The following TMTC1 variants were observed in gnomAD, a reference collection of about 807,000 sequenced individuals.
TMTC1 encodes protein O-mannosyl-transferase TMTC1.
Under a neutral mutation model 104.8 loss-of-function variants are expected in TMTC1, and 73 were observed. The ratio of observed to expected loss-of-function variants is 0.70; its 90% CI spans 0.58 to 0.85. The LOEUF (loss-of-function observed/expected upper bound fraction) is 0.85, where lower values mean the gene tolerates loss of function less well. Among genes scored for constraint, TMTC1 ranks in the 40% least tolerant of loss-of-function variants. TMTC1 has a pLI of 0.00. For synonymous variants in TMTC1, 434 were observed against 428.7 expected (o/e 1.01, Z -0.15); for missense variants, 1,035 against 1,096.1 (o/e 0.94, Z 0.79).
At position 29,680,827 on chromosome 12, in the gene TMTC1, A is replaced by G. The variant is rs147369270; in HGVS notation, c.939-47491T>C. On this transcript the variant is annotated intron_variant, in intron 5 of 17. Coordinates refer to ENST00000539277, the MANE Select transcript of TMTC1 (RefSeq NM_001193451.2). ...CAGATGAGAAGTAAACTAAATAAGC[A>G]ATGAAGGTCTAACTGATCCCAGCAC... Among the ~76,000 whole-genome samples the G allele has an allele frequency of 7.0e-4, 107 of 152,194 alleles. 1 individual carries two copies. Among genetic ancestry groups the G allele is most frequent in the African/African-American group, 2.4e-3 (99 of 41,530 alleles).
intron 5 of TMTC1, among the ~76,000 whole-genome samples, chr12:29,730,253 G>T (rs780799873): frequency 6.6e-6 from 1 of 152,160 alleles, no homozygotes; most frequent in Non-Finnish European, 1.5e-5. Context: ...AAACCACTGC[G>T]TGCAGCCTAA....
chr12:29,699,242 A>C (rs976216184), intron 5 of TMTC1, among the ~76,000 whole-genome samples: 1 of 152,348 alleles, frequency 6.6e-6, no homozygotes, highest in South Asian at 2.1e-4. Context: ...TGATGTGTCA[A>C]CTTGGAAATA....
chr12:29,754,374 G>A (rs1405392723), intron 4 of TMTC1, among the ~76,000 whole-genome samples: 2 of 152,156 alleles, frequency 1.3e-5, no homozygotes, highest in Non-Finnish European at 2.9e-5. Flanking sequence ...GTGGGCTGGA[G>A]AGTCCCAAGA....
chr12:29,611,683 T>C (rs892119582), intron 6 of TMTC1, among the ~76,000 whole-genome samples: 3 of 152,218 alleles, frequency 2.0e-5, no homozygotes, highest in Non-Finnish European at 2.9e-5. Context: ...TAGAAAGCTA[T>C]GTATTGAATT....
rs186671814 is a variant in TMTC1, at chr12:29,689,560, G to A, written c.939-56224C>T. On this transcript the variant is annotated intron_variant, in intron 5 of 17. Coordinates refer to ENST00000539277, the MANE Select transcript of TMTC1 (RefSeq NM_001193451.2). ...GAACTCCCGACCTCGTGATCTGTCC[G>A]TCTCAGGCCCTGGGCTCTGAATTTT... is the stretch of plus-strand genomic sequence containing the variant. 7.2e-5 allele frequency among the ~76,000 whole-genome samples: 11 copies of A among 152,282 alleles called. No homozygotes were observed. In the East Asian group the frequency reaches 7.7e-4, roughly 11 times the overall value.
chr12:29,681,910 T>C (rs1005864765), intron 5 of TMTC1, among the ~76,000 whole-genome samples: 1 of 152,202 alleles, frequency 6.6e-6, no homozygotes, highest in Non-Finnish European at 1.5e-5. Context: ...ACAGTAATTG[T>C]TGAAGGTGAA....
Position 29,659,380 on chromosome 12 carries a change from G to C in TMTC1, c.939-26044C>G, listed in dbSNP as rs111494708. ...GATTAATGCCCTTCCTTGGAGGTAAGTTCTTGCTCTATTGGTTCCCACAAC... is the reference window on the plus strand; with the variant it reads ...GATTAATGCCCTTCCTTGGAGGTAACTTCTTGCTCTATTGGTTCCCACAAC... On this transcript the variant is annotated intron_variant, in intron 5 of 17. Coordinates refer to ENST00000539277, the MANE Select transcript of TMTC1 (RefSeq NM_001193451.2). 6.4e-3 allele frequency among the ~76,000 whole-genome samples: 973 copies of C among 152,264 alleles called. 13 individuals are homozygous for C. Among genetic ancestry groups the C allele is most frequent in the African/African-American group, 0.023 (941 of 41,548 alleles).
rs748791879 is a variant in TMTC1, at chr12:29,768,047, G to A, written c.331C>T (p.Pro111Ser). ...ATATTTACTGCATGAAAGTAGAATGGGTTCATACCAGTCAAAAATATGTTT... is the reference window on the plus strand; with the variant it reads ...ATATTTACTGCATGAAAGTAGAATGAGTTCATACCAGTCAAAAATATGTTT... ...KLNIFLTGMN[P>S]FYFHAVNIIL... Residue 111 changes from proline (P) to serine (S), a missense_variant, in exon 2 of 18, where the codon CCA becomes TCA. Physicochemically the swap from Pro to Ser is moderately conservative, Grantham distance 74 (BLOSUM62 -1). Coordinates refer to ENST00000539277, the MANE Select transcript of TMTC1 (RefSeq NM_001193451.2). 6.2e-7 allele frequency: 1 copy of A among 1,608,866 alleles called. No individual in the cohort carries two copies. The highest frequency in any genetic ancestry group is 8.5e-7 in the Non-Finnish European group (1 of 1,177,964).
chr12:29,525,158 C>CTTT (rs56395403), intron 11 of TMTC1, among the ~76,000 whole-genome samples: 2 of 46,160 alleles, frequency 4.3e-5, no homozygotes, highest in African/African-American at 8.0e-5. Flanking sequence ...CAAGGGCAGT[C>CTTT]TTTTTTTTTT....
intron 9 of TMTC1, among the ~76,000 whole-genome samples, chr12:29,571,291 T>C (rs917147204): frequency 6.6e-6 from 1 of 152,116 alleles, no homozygotes; most frequent in African/African-American, 2.4e-5. Flanking sequence ...TCTCCATGTG[T>C]TGAAGGTTAA....
intron 5 of TMTC1, among the ~76,000 whole-genome samples, chr12:29,697,169 C>T (rs1219406734): frequency 6.6e-6 from 1 of 152,186 alleles, no homozygotes; most frequent in Non-Finnish European, 1.5e-5. Context: ...GAACCAAGAA[C>T]ACAGTCATGT....
intron 10 of TMTC1, among the ~76,000 whole-genome samples, chr12:29,550,330 G>T (rs1945060617): frequency 6.6e-6 from 1 of 152,098 alleles, no homozygotes; most frequent in Non-Finnish European, 1.5e-5. Flanking sequence ...TATAAATTAT[G>T]AATGCAAAAA....
intron 2 of TMTC1, among the ~76,000 whole-genome samples, chr12:29,764,613 T>C (rs1943422982): frequency 1.3e-5 from 2 of 152,224 alleles, no homozygotes; most frequent in African/African-American, 4.8e-5. Flanking sequence ...AATCCATGAC[T>C]AAATAATAAG....
chr12:29,716,596 T>C (rs1429772765), intron 5 of TMTC1, among the ~76,000 whole-genome samples: 1 of 152,172 alleles, frequency 6.6e-6, no homozygotes, highest in East Asian at 1.9e-4. Context: ...TTTATAGATT[T>C]TTTTATTGCA....
At chr12:29,680,821 A>G (rs1346127400) in intron 5 of TMTC1, among the ~76,000 whole-genome samples, 2 of 152,124 alleles carry the variant, frequency 1.3e-5, no homozygotes, top group Non-Finnish European at 2.9e-5. Context: ...AGTAAACTAA[A>G]TAAGCAATGA....
At chr12:29,567,201 G>C (rs1945540596) in intron 9 of TMTC1, among the ~76,000 whole-genome samples, 1 of 152,196 alleles carries the variant, frequency 6.6e-6, no homozygotes, top group Non-Finnish European at 1.5e-5. Context: ...TCCCGAGGGT[G>C]CTCCTTAATA....
chr12:29,719,626 T>C (rs1036886530), intron 5 of TMTC1, among the ~76,000 whole-genome samples: 1 of 152,208 alleles, frequency 6.6e-6, no homozygotes, highest in Non-Finnish European at 1.5e-5. Flanking sequence ...ATGTCTCTCA[T>C]TGACTCTCCC....
intron 5 of TMTC1, among the ~76,000 whole-genome samples, chr12:29,719,089 G>GTT (rs1942163526): frequency 6.6e-6 from 1 of 152,160 alleles, no homozygotes; most frequent in South Asian, 2.1e-4. Context: ...AATTGTCAGT[G>GTT]TTTTCTCTCT....
At chr12:29,603,849 AAAG>A (rs1205290514) in intron 7 of TMTC1, among the ~76,000 whole-genome samples, 1 of 152,262 alleles carries the variant, frequency 6.6e-6, no homozygotes, top group Non-Finnish European at 1.5e-5. Flanking sequence ...CATTTCTAGA[AAAG>A]TATTATAATT....
Sources: allele counts gnomAD v4.1 joint callset (sites outside exome capture counted in the v4.1 genomes callset), GRCh38; gene constraint gnomAD v4.1.1; transcripts MANE v1.5; gene names NCBI Gene and HGNC (gene_info 2026-07-23, HGNC 2026-07-21).